Variants in GLMN observed in about 807,000 individuals in gnomAD.
The protein encoded by GLMN is glomulin.
A neutral mutation model predicts 87.8 loss-of-function variants in GLMN; 75 were observed. That is an observed-to-expected ratio of 0.85 (90% CI 0.71 to 1.04). The LOEUF (loss-of-function observed/expected upper bound fraction) is 1.04, where lower values mean the gene tolerates loss of function less well. GLMN is among the 50% of genes least tolerant of loss of function. The pLI is 0.00. For missense variants in GLMN, 588 were observed against 658.8 expected (o/e 0.89, Z 1.18); for synonymous variants, 206 against 221.6 (o/e 0.93, Z 0.63).
At chr1:92,369,804 AAG>A in the GLMN span, among the ~76,000 whole-genome samples, 1 of 152,332 alleles carries the variant, frequency 6.6e-6, no homozygotes. Flanking sequence ...ACAAAAGAAA[AAG>A]AGAGGAAGCA....
At chr1:92,299,193 C>G, upstream of GLMN, 1 of 1,233,360 alleles carries the variant, frequency 8.1e-7, no homozygotes, top group Non-Finnish European at 1.1e-6. Context: ...AAAGCTGGGC[C>G]CCGATCTCGA....
the GLMN span, among the ~76,000 whole-genome samples, chr1:92,330,667 G>A: frequency 6.6e-6 from 1 of 151,962 alleles, no homozygotes; most frequent in South Asian, 2.1e-4. Context: ...GGCCAGGTTG[G>A]TCTCGAACTC....
chr1:92,288,963 T>C lies in GLMN; in HGVS notation c.583A>G (p.Lys195Glu), dbSNP rs775029023. The stretch of plus-strand genomic sequence containing the variant: ...TTTTCATTTTCCAGTGAGTTTTCTT[T>C]GTTATCAATGACTTCTTCCACAAAA... ...KPFVEEVIDN[K>E]ENSLENEKLK... is the part of the protein sequence containing the mutation. The change falls in exon 6 of 19, where the codon AAA becomes GAA. Residue 195 changes from lysine to glutamate, a missense_variant. Physicochemically the swap from Lys to Glu is moderately conservative, Grantham distance 56. Coordinates refer to ENST00000370360, the MANE Select transcript of GLMN (RefSeq NM_053274.3). The C allele has an allele frequency of 8.7e-6, 14 of 1,611,520 alleles. No homozygotes were observed. In the East Asian group the frequency reaches 3.1e-4, roughly 36 times the overall value.
chr1:92,299,052 G>A, upstream of GLMN: 1 of 1,413,318 alleles, frequency 7.1e-7, no homozygotes, highest in Non-Finnish European at 9.5e-7. Context: ...GCGTGTCCCC[G>A]TCCGGCAGAC....
intron 3 of GLMN, among the ~76,000 whole-genome samples, chr1:92,295,317 GTTT>G (rs1053039737): frequency 1.4e-5 from 2 of 139,950 alleles, no homozygotes; most frequent in African/African-American, 5.3e-5. Context: ...GTAAATTCTT[GTTT>G]TTTTTTTTCA....
intron 3 of GLMN, among the ~76,000 whole-genome samples, chr1:92,293,563 A>G (rs1317926062): frequency 6.6e-6 from 1 of 152,154 alleles, no homozygotes; most frequent in Non-Finnish European, 1.5e-5. Context: ...CTCAAAAAAT[A>G]CAAAAATAGA....
the GLMN span, among the ~76,000 whole-genome samples, chr1:92,319,465 T>C: frequency 6.6e-6 from 1 of 152,118 alleles, no homozygotes; most frequent in Non-Finnish European, 1.5e-5. Flanking sequence ...GCATTTTTCT[T>C]CTACTAAATT....
chr1:92,291,424 C>A lies in GLMN; in HGVS notation c.279G>T (p.Leu93Phe). The change falls in exon 4 of 19, where the codon TTG becomes TTT. Residue 93 changes from leucine to phenylalanine, a missense_variant. Physicochemically the swap from Leu to Phe is conservative, Grantham distance 22 (BLOSUM62 0). Transcript: ENST00000370360. ...RKVYFLIFDLLVKLCNPKELL... is the reference protein window; with the variant it reads ...RKVYFLIFDLFVKLCNPKELL... ...CCTTGTTTTGTTAACTTACCTTTAC[C>A]AATAAATCAAAGATCAAAAAATAAA... 1 of 1,572,930 alleles carries A rather than the reference C, an allele frequency of 6.4e-7. No homozygotes were observed. The highest frequency in any genetic ancestry group is 1.1e-5 in the South Asian group (1 of 90,150).
the GLMN span, among the ~76,000 whole-genome samples, chr1:92,357,533 T>A: frequency 1.3e-5 from 2 of 152,124 alleles, no homozygotes; most frequent in African/African-American, 4.8e-5. Context: ...GTTGTACTGA[T>A]GGATTTTTTT....
At chr1:92,307,263 C>T in the GLMN span, 7 of 1,606,632 alleles carry the variant, frequency 4.4e-6, no homozygotes, top group South Asian at 1.1e-5. Context: ...AGTATGGGTT[C>T]GAGAAGAAGA....
chr1:92,293,209 A>G (rs569080501), intron 3 of GLMN, among the ~76,000 whole-genome samples: 6 of 152,326 alleles, frequency 3.9e-5, no homozygotes, highest in Admixed American at 3.9e-4. Flanking sequence ...ATGAAAAGGT[A>G]CGCATCATTA....
chr1:92,316,615 TTAAC>T, the GLMN span, among the ~76,000 whole-genome samples: 6 of 152,336 alleles, frequency 3.9e-5, no homozygotes, highest in South Asian at 1.2e-3. Context: ...CAAGCATTCT[TTAAC>T]TAGGATGGTT....
intron 9 of GLMN, among the ~76,000 whole-genome samples, chr1:92,268,575 AC>A (rs1182080517): frequency 5.3e-5 from 8 of 152,260 alleles, no homozygotes; most frequent in African/African-American, 1.9e-4. Context: ...TGTATGAATA[AC>A]AGAAACTAAA....
chr1:92,327,968 G>C, the GLMN span, among the ~76,000 whole-genome samples: 1 of 152,244 alleles, frequency 6.6e-6, no homozygotes, highest in South Asian at 2.1e-4. Flanking sequence ...GTTTAAGGAG[G>C]CTAAAGATAG....
chr1:92,324,735 T>G, the GLMN span, among the ~76,000 whole-genome samples: 2 of 152,230 alleles, frequency 1.3e-5, no homozygotes, highest in Non-Finnish European at 2.9e-5. Flanking sequence ...GGGGTCTGTG[T>G]GTGTGTGTTT....
At chr1:92,306,158 G>A in the GLMN span, among the ~76,000 whole-genome samples, 3 of 152,112 alleles carry the variant, frequency 2.0e-5, no homozygotes, top group Admixed American at 1.3e-4. Flanking sequence ...TCACTTATAT[G>A]AGGTACCTAG....
upstream of GLMN, among the ~76,000 whole-genome samples, chr1:92,301,238 C>G (rs1650833116): frequency 6.6e-6 from 1 of 152,160 alleles, no homozygotes; most frequent in African/African-American, 2.4e-5. Flanking sequence ...GATCCCAGCA[C>G]TTTGGGAGGC....
At chr1:92,268,503 A>T (rs1655896609) in intron 9 of GLMN, among the ~76,000 whole-genome samples, 1 of 152,212 alleles carries the variant, frequency 6.6e-6, no homozygotes, top group Non-Finnish European at 1.5e-5. Flanking sequence ...AGACTCAATG[A>T]CTCTGCAGTT....
intron 11 of GLMN, among the ~76,000 whole-genome samples, chr1:92,267,687 C>G (rs1280668140): frequency 1.4e-5 from 2 of 144,586 alleles, no homozygotes; most frequent in African/African-American, 2.6e-5. Flanking sequence ...CTGGGCGACA[C>G]AGCAAGACTA....
Sources: gnomAD v4.1 joint callset for allele counts (sites outside exome capture counted in the v4.1 genomes callset) on GRCh38, gnomAD v4.1.1 for gene constraint, MANE v1.5 for transcripts, NCBI Gene and HGNC (gene_info 2026-07-23, HGNC 2026-07-21) for gene names.